The following PCDH15 variants were observed in gnomAD, a reference collection of about 807,000 sequenced individuals.
PCDH15 encodes the protein protocadherin related 15.
A neutral mutation model predicts 178.5 loss-of-function variants in PCDH15; 129 were observed. The ratio of observed to expected loss-of-function variants is 0.72; its 90% CI spans 0.63 to 0.84. The LOEUF (loss-of-function observed/expected upper bound fraction) is 0.84. Ranked by LOEUF, PCDH15 falls within the 40% of genes least tolerant of loss-of-function variation. The pLI, the probability that PCDH15 is intolerant of heterozygous loss-of-function variation, is 0.00. For synonymous variants in PCDH15, 800 were observed against 732.0 expected (o/e 1.09, Z -1.50); for missense variants, 2,230 against 2,099.9 (o/e 1.06, Z -1.21).
At chr10:55,617,323 C>T (rs1268648046) in intron 2 of PCDH15, among the ~76,000 whole-genome samples, 1 of 152,050 alleles carries the variant, frequency 6.6e-6, no homozygotes, top group Non-Finnish European at 1.5e-5. Flanking sequence ...AGAATGCTCA[C>T]ATTAGTAATA....
chr10:55,051,015 C>T (rs1365467292), intron 2 of PCDH15, among the ~76,000 whole-genome samples: 2 of 152,150 alleles, frequency 1.3e-5, no homozygotes, highest in East Asian at 3.9e-4. Flanking sequence ...AATTTCATGC[C>T]ATGTAACTAC....
At chr10:54,716,512 C>A (rs113055102) in intron 1 of PCDH15, among the ~76,000 whole-genome samples, 4 of 151,958 alleles carry the variant, frequency 2.6e-5, no homozygotes, top group Non-Finnish European at 5.9e-5. Flanking sequence ...ATTTTATTCT[C>A]TTTGAAGCAA....
intron 29 of PCDH15, among the ~76,000 whole-genome samples, chr10:53,838,394 A>AT (rs1326096080): frequency 6.6e-6 from 1 of 152,170 alleles, no homozygotes; most frequent in African/African-American, 2.4e-5. Context: ...GGAAAAACTT[A>AT]TTTAGAATTA....
At chr10:54,190,936 A>C (rs538288557) in intron 11 of PCDH15, among the ~76,000 whole-genome samples, 1 of 152,336 alleles carries the variant, frequency 6.6e-6, no homozygotes, top group South Asian at 2.1e-4. Context: ...GGCAAATGGA[A>C]GATTTAAGGA....
intron 2 of PCDH15, among the ~76,000 whole-genome samples, chr10:54,955,093 T>C (rs1838448441): frequency 6.6e-6 from 1 of 151,214 alleles, no homozygotes. Flanking sequence ...GAATTGTTTT[T>C]TGCATTAATT....
intron 10 of PCDH15, among the ~76,000 whole-genome samples, chr10:54,207,115 G>T (rs2050877088): frequency 6.6e-6 from 1 of 152,096 alleles, no homozygotes; most frequent in African/African-American, 2.4e-5. Flanking sequence ...ACCTCTGTGT[G>T]TCTTTTGTCA....
intron 14 of PCDH15, among the ~76,000 whole-genome samples, chr10:54,144,306 T>C (rs1564524663): frequency 1.3e-5 from 2 of 152,132 alleles, no homozygotes; most frequent in Non-Finnish European, 2.9e-5. Context: ...CATAGATCAC[T>C]TTTTCGATAA....
At chr10:55,482,108 A>G (rs1326581594) in intron 2 of PCDH15, among the ~76,000 whole-genome samples, 1 of 151,416 alleles carries the variant, frequency 6.6e-6, no homozygotes, top group African/African-American at 2.4e-5. Flanking sequence ...TTGATCTTTG[A>G]TGGTTTAAAG....
intron 1 of PCDH15, among the ~76,000 whole-genome samples, chr10:54,669,322 T>C (rs2094620609): frequency 6.6e-6 from 1 of 151,700 alleles, no homozygotes. Flanking sequence ...GATCATATTA[T>C]ATTTTTCTTT....
At position 54,022,900 on chromosome 10, in the gene PCDH15, G is replaced by A; in HGVS notation, c.2518C>T (p.Gln840Ter). 1 of 1,613,750 alleles carries A rather than the reference G, an allele frequency of 6.2e-7. No homozygotes were observed. Among genetic ancestry groups the A allele is most frequent in the Non-Finnish European group, 8.5e-7 (1 of 1,179,760 alleles). ...TGCTTTTTCCCACACACCTCTATTT[G>A]AAGGATGGTAGTCCCAGCTGGCAAA... ...ENLPAGTTIL[Q>*]IEAKDVDLGA... Residue 840 changes from glutamine to a stop codon, truncating the protein, a stop_gained, in exon 19 of 38, where the codon CAA (glutamine) becomes TAA (stop). Coordinates refer to ENST00000644397, the MANE Select transcript of PCDH15 (RefSeq NM_001384140.1). LOFTEE classifies it high-confidence loss of function.
intron 1 of PCDH15, among the ~76,000 whole-genome samples, chr10:54,769,878 T>G (rs1433653909): frequency 6.6e-6 from 1 of 152,144 alleles, no homozygotes; most frequent in African/African-American, 2.4e-5. Context: ...AGCAAATACC[T>G]TTTTGTCTGT....
In PCDH15 at chr10:53,804,506, T is replaced by C. The variant is rs1233070620; in HGVS notation, c.*2073A>G. On this transcript the variant is annotated 3_prime_UTR_variant, in exon 38 of 38. Transcript: ENST00000644397. ...AACACAAACTTTCCCATCAGGATACTAGAAGCTATAAACTGAAAGAAAAAA... is the reference window on the plus strand; with the variant it reads ...AACACAAACTTTCCCATCAGGATACCAGAAGCTATAAACTGAAAGAAAAAA... 2.0e-5 allele frequency: 3 copies of C among 151,842 alleles called. No individual in the cohort carries two copies. Among genetic ancestry groups the C allele is most frequent in the African/African-American group, 7.3e-5 (3 of 41,374 alleles). The allele number at this position is 151,842 out of a possible 1,614,324, so 9.4% of individuals were successfully genotyped here.
At chr10:54,633,573 G>C (rs936025785) in intron 2 of PCDH15, among the ~76,000 whole-genome samples, 2 of 152,028 alleles carry the variant, frequency 1.3e-5, no homozygotes, top group Non-Finnish European at 2.9e-5. Flanking sequence ...AAAGCCCAGA[G>C]TACCTAACAG....
At chr10:54,964,273 T>C (rs1838727177) in intron 2 of PCDH15, among the ~76,000 whole-genome samples, 1 of 152,186 alleles carries the variant, frequency 6.6e-6, no homozygotes, top group Admixed American at 6.5e-5. Context: ...GGTGGGGCAA[T>C]TGGGCTAGTT....
chr10:54,234,939 T>C (rs943687951), intron 9 of PCDH15, among the ~76,000 whole-genome samples: 1 of 152,178 alleles, frequency 6.6e-6, no homozygotes, highest in Non-Finnish European at 1.5e-5. Flanking sequence ...TAGTTTCTGC[T>C]CTGTTCTTAT....
At position 55,170,502 on chromosome 10, in the gene PCDH15, G is replaced by A. The variant is rs75848676; in HGVS notation, c.-155-3851C>T. Reference sequence around the variant, plus strand: ...TAATACCACTACCACCCCCTTTTCCGAATGAAGGAAAAGAGAAAAATGTGC... The same window carrying A: ...TAATACCACTACCACCCCCTTTTCCAAATGAAGGAAAAGAGAAAAATGTGC... On this transcript the variant is annotated intron_variant, in intron 1 of 5. Coordinates refer to the PCDH15 transcript ENST00000458638. 9.5e-3 allele frequency among the ~76,000 whole-genome samples: 1,448 copies of A among 152,074 alleles called. 27 individuals carry two copies. The highest frequency in any genetic ancestry group is 0.033 in the African/African-American group (1,353 of 41,480).
intron 3 of PCDH15, among the ~76,000 whole-genome samples, chr10:54,843,699 A>G (rs1018178867): frequency 6.6e-6 from 1 of 152,074 alleles, no homozygotes; most frequent in Non-Finnish European, 1.5e-5. Context: ...GATTGTTAAC[A>G]TGACAAAACT....
At chr10:55,535,497 G>T (rs1841556847) in intron 2 of PCDH15, among the ~76,000 whole-genome samples, 1 of 152,044 alleles carries the variant, frequency 6.6e-6, no homozygotes, top group Non-Finnish European at 1.5e-5. Context: ...CAACTCCAAT[G>T]TACAAGACAA....
intron 21 of PCDH15, among the ~76,000 whole-genome samples, chr10:53,972,087 G>C (rs1006062021): frequency 2.0e-5 from 3 of 152,094 alleles, no homozygotes; most frequent in African/African-American, 7.2e-5. Context: ...TACCAAAACA[G>C]AGATATAGGC....
Sources: gnomAD v4.1 joint callset for allele counts (sites outside exome capture counted in the v4.1 genomes callset) on GRCh38, gnomAD v4.1.1 for gene constraint, MANE v1.5 for transcripts, NCBI Gene and HGNC (gene_info 2026-07-23, HGNC 2026-07-21) for gene names.